Variants in TONSL observed in about 807,000 individuals in gnomAD.
TONSL encodes the protein tonsoku-like protein.
TONSL carries 112 observed loss-of-function variants against 147.1 expected under a neutral mutation model. That is an observed-to-expected ratio of 0.76 (90% CI 0.65 to 0.89). The LOEUF (loss-of-function observed/expected upper bound fraction) is 0.89, where lower values mean the gene tolerates loss of function less well. Ranked by LOEUF, TONSL falls within the 40% of genes least tolerant of loss-of-function variation. The pLI is 0.00. For synonymous variants in TONSL, 868 were observed against 801.5 expected, an observed-to-expected ratio of 1.08 and a Z score of -1.40; for missense variants, 1,883 against 1,864.6, an observed-to-expected ratio of 1.01 and a Z score of -0.18.
chr8:144,435,964 C>T lies in TONSL; in HGVS notation c.2469G>A (p.Ala823=), dbSNP rs776083590. 77 of 1,558,000 alleles carry T rather than the reference C, an allele frequency of 4.9e-5. 1 individual carries two copies. Among genetic ancestry groups the T allele is most frequent in the Middle Eastern group, 3.4e-4 (2 of 5,850 alleles). Residue 823 remains alanine, a synonymous_variant, in exon 17 of 26, where the codon GCG becomes GCA. Coordinates refer to ENST00000409379, the MANE Select transcript of TONSL (RefSeq NM_013432.5). ...GHSKALAPQA[A]LIPEEECLAG... ...CCAGGCACTCCTCCTCCGGGATGAG[C>T]GCTGCCTGGGGGGCAAGGGCTTTGC...
rs776042221 is a variant in TONSL at position 144,440,352 on chromosome 8, T to C, written c.1289A>G (p.Gln430Arg). The C allele has an allele frequency of 1.9e-6, 3 of 1,587,238 alleles. No homozygotes were observed. The highest frequency in any genetic ancestry group is 2.6e-6 in the Non-Finnish European group (3 of 1,163,532). ...TATGGGTGGGATGGGCTCTCGCACC[T>C]GCAGCTGGGGACGCTGGGCCTGCTG... ...CAQQAQRPQLQRQVLQHLHTV... is the reference protein window; with the variant it reads ...CAQQAQRPQLRRQVLQHLHTV... The change falls in exon 10 of 26, where the codon CAG becomes CGG. Residue 430 changes from glutamine to arginine, a missense_variant and splice_region_variant. Gln to Arg is a conservative substitution (Grantham distance 43). Coordinates refer to ENST00000409379, the MANE Select transcript of TONSL (RefSeq NM_013432.5).
chr8:144,439,558 T>C (rs1204341892), intron 11 of TONSL, among the ~76,000 whole-genome samples: 1 of 152,030 alleles, frequency 6.6e-6, no homozygotes. Context: ...CTCAGCCCTC[T>C]CTCCCTGCAC....
rs777095250 is a variant in TONSL at position 144,442,385 on chromosome 8, G to T, written c.606C>A (p.Phe202Leu). The T allele has an allele frequency of 3.2e-6, 5 of 1,568,978 alleles. No homozygotes were observed. Among genetic ancestry groups the T allele is most frequent in the Non-Finnish European group, 4.3e-6 (5 of 1,153,858 alleles). ...TGGTGCCCAGGTTGTAGCGGGCGCG[G>T]AATAGGTCCTCGTAAAGGTGGTTCT... is the stretch of plus-strand genomic sequence containing the variant. ...AEQNHLYEDL[F>L]RARYNLGTIH... Residue 202 changes from phenylalanine (F) to leucine (L), a missense_variant, in exon 6 of 26, where the codon TTC (phenylalanine) becomes TTA (leucine). By Grantham distance (22) the Phe-to-Leu change is conservative (BLOSUM62 0). Coordinates refer to ENST00000409379, the MANE Select transcript of TONSL (RefSeq NM_013432.5).
chr8:144,442,059 G>A lies in TONSL; in HGVS notation c.843C>T (p.Ala281=), dbSNP rs1174570261. 2 of 1,612,726 alleles carry A rather than the reference G, an allele frequency of 1.2e-6. No homozygotes were observed. The highest frequency in any genetic ancestry group is 2.2e-5 in the South Asian group (2 of 91,084). The change falls in exon 7 of 26, where the codon GCC becomes GCT. Residue 281 remains alanine (A), a synonymous_variant. Transcript: ENST00000409379. ...LGSQKPVQRA[A]ICQNLQHVLA... The stretch of plus-strand genomic sequence containing the variant: ...CACCATGCTGGAGGTTCTGACAGAT[G>A]GCTGCCCTCTGCACAGGCTTCTGGG...
intron 3 of TONSL, among the ~76,000 whole-genome samples, chr8:144,443,562 G>A (rs1554881372): frequency 7.6e-6 from 1 of 131,780 alleles, no homozygotes; most frequent in African/African-American, 4.5e-5. Flanking sequence ...GGGAGTTGGC[G>A]GGGGGGTTGC....
rs572138803 is a variant in TONSL, at chr8:144,443,093, C to T, written c.448+45G>A. 1.3e-3 allele frequency: 1,920 copies of T among 1,532,036 alleles called. 42 individuals are homozygous for T. The South Asian group carries it at 0.022, about 17-fold the overall frequency. The allele number at this position is 1,532,036 out of a possible 1,614,324, so 94.9% of individuals were successfully genotyped here. On this transcript the variant is annotated intron_variant, in intron 4 of 25. Coordinates refer to ENST00000409379, the MANE Select transcript of TONSL (RefSeq NM_013432.5). ...CGGGGGTGCTGGGCTGCAGCCTCTT[C>T]GGCCCGAAGTTCAGGAGGCAGAAAA...
rs528123707 is a variant in TONSL, at chr8:144,435,414, C to G, written c.2852+60G>C. On this transcript the variant is annotated intron_variant, in intron 18 of 25. Coordinates refer to ENST00000409379, the MANE Select transcript of TONSL (RefSeq NM_013432.5). ...CACGCCCCACCCTGACATGCAAACA[C>G]GAGCACCCTGGCATGGAGCTGCACA... is the stretch of plus-strand genomic sequence containing the variant. 96 of 1,422,948 alleles carry G rather than the reference C, an allele frequency of 6.7e-5. No individual in the cohort carries two copies. In the Admixed American group the frequency reaches 2.0e-3, roughly 30 times the overall value. 88.1% of individuals were successfully genotyped at this position (1,422,948 alleles called of 1,614,324 possible). A position where few individuals can be genotyped will look rare whatever the true frequency, so the allele number is the denominator to read the frequency against.
chr8:144,437,052 G>T lies in TONSL; in HGVS notation c.1701C>A (p.His567Gln), dbSNP rs749180510. 2 of 1,613,254 alleles carry T rather than the reference G, an allele frequency of 1.2e-6. No homozygotes were observed. Among genetic ancestry groups the T allele is most frequent in the Admixed American group, 3.3e-5 (2 of 60,010 alleles). ...PRDYCGWTPL[H>Q]EACNYGHLEI... ...CTAGATGCCCGTAGTTGCAGGCCTC[G>T]TGCAGAGGTGTCCAGCCACAGTAGT... Residue 567 changes from histidine (H) to glutamine (Q), a missense_variant, in exon 14 of 26, where the codon CAC (histidine) becomes CAA (glutamine). His to Gln is a conservative substitution (Grantham distance 24). Coordinates refer to ENST00000409379, the MANE Select transcript of TONSL (RefSeq NM_013432.5).
chr8:144,437,076 G>A lies in TONSL; in HGVS notation c.1677C>T (p.Asp559=). 1 of 1,613,226 alleles carries A rather than the reference G, an allele frequency of 6.2e-7. No homozygotes were observed. Among genetic ancestry groups the A allele is most frequent in the Non-Finnish European group, 8.5e-7 (1 of 1,180,002 alleles). The change falls in exon 14 of 26, where the codon GAC becomes GAT. Residue 559 remains aspartate, a synonymous_variant. Transcript: ENST00000409379. ...VRQGHPLNPR[D]YCGWTPLHEA... is the part of the protein sequence containing the mutation. ...CGTGCAGAGGTGTCCAGCCACAGTA[G>A]TCCCGAGGGTTAAGGGGGTGGCCCT...
chr8:144,441,835 G>A lies in TONSL; in HGVS notation c.865+202C>T, dbSNP rs1336799704. 9.0e-6 allele frequency: 5 copies of A among 558,606 alleles called. No individual in the cohort carries two copies. In the African/African-American group the frequency reaches 9.6e-5, roughly 11 times the overall value. 34.6% of individuals were successfully genotyped at this position (558,606 alleles called of 1,614,324 possible). A position where few individuals can be genotyped will look rare whatever the true frequency, so the allele number is the denominator to read the frequency against. On this transcript the variant is annotated intron_variant, in intron 7 of 25. Transcript: ENST00000409379. ...CATTGCCCCTGACACACTGTGTTGAGCTCAGAGAAAAAAGGGGGTCTTCTC... is the reference window on the plus strand; with the variant it reads ...CATTGCCCCTGACACACTGTGTTGAACTCAGAGAAAAAAGGGGGTCTTCTC...
Position 144,435,672 on chromosome 8 carries a change from C to G in TONSL, c.2761G>C (p.Ala921Pro), listed in dbSNP as rs200025720. 256 of 1,603,770 alleles carry G rather than the reference C, an allele frequency of 1.6e-4. No homozygotes were observed. The highest frequency in any genetic ancestry group is 5.1e-4 in the Middle Eastern group (3 of 5,882). ...VSEPSGDSSAAGQPLGPAPPP... is the reference protein window; with the variant it reads ...VSEPSGDSSAPGQPLGPAPPP... Reference sequence around the variant, plus strand: ...TGCATACCCACCAAGGGCTGGCCTGCCGCAGAGCTGTCCCCACTGGGCTCT... The same window carrying G: ...TGCATACCCACCAAGGGCTGGCCTGGCGCAGAGCTGTCCCCACTGGGCTCT... Residue 921 changes from alanine to proline, a missense_variant, in exon 17 of 26, where the codon GCA (alanine) becomes CCA (proline). Transcript: ENST00000409379.
At position 144,444,185 on chromosome 8, in the gene TONSL, C is replaced by A; in HGVS notation, c.116G>T (p.Gly39Val). The part of the protein sequence containing the change: ...LCHQLGELLA[G>V]HGRYAEALEQ... ...CTCCTGGTCCCGGCGCTCACCATGG[C>A]CGGCCAGGAGCTCCCCCAGCTGGTG... The change falls in exon 2 of 26, where the codon GGC becomes GTC. Residue 39 changes from glycine (G) to valine (V), a missense_variant. Coordinates refer to ENST00000409379, the MANE Select transcript of TONSL (RefSeq NM_013432.5). The A allele has an allele frequency of 6.9e-7, 1 of 1,447,034 alleles. No homozygotes were observed. Among genetic ancestry groups the A allele is most frequent in the East Asian group, 3.1e-5 (1 of 32,762 alleles). The allele number at this position is 1,447,034 out of a possible 1,614,324, so 89.6% of individuals were successfully genotyped here.
intron 15 of TONSL, 31 bp from the exon 16 acceptor site, chr8:144,436,712 C>T (rs1166113776): frequency 1.2e-6 from 2 of 1,611,276 alleles, no homozygotes; most frequent in Non-Finnish European, 1.7e-6. Flanking sequence ...AGGGGCACAG[C>T]AGCCCCCATA....
In TONSL at chr8:144,437,080, C is replaced by G. The variant is rs777654833; in HGVS notation, c.1673G>C (p.Arg558Pro). 5 of 1,613,074 alleles carry G rather than the reference C, an allele frequency of 3.1e-6. No individual in the cohort carries two copies. In the South Asian group the frequency reaches 5.5e-5, roughly 18 times the overall value. Residue 558 changes from arginine (R) to proline (P), a missense_variant, in exon 14 of 26, where the codon CGG (arginine) becomes CCG (proline). By Grantham distance (103) the Arg-to-Pro change is moderately radical. Transcript: ENST00000409379. ...CAGAGGTGTCCAGCCACAGTAGTCC[C>G]GAGGGTTAAGGGGGTGGCCCTGTGA... The part of the protein sequence containing the change: ...LVRQGHPLNP[R>P]DYCGWTPLHE...
intron 22 of TONSL, 70 bp from the exon 23 acceptor site, chr8:144,432,530 A>AGAACCCTCAG: frequency 2.8e-6 from 4 of 1,431,894 alleles, no homozygotes; most frequent in Non-Finnish European, 3.7e-6. Flanking sequence ...TTCTGGGCCC[A>AGAACCCTCAG]GAACCCTCAG....
rs559271715 is a variant in TONSL at position 144,438,552 on chromosome 8, C to T, written c.1572G>A (p.Arg524=). ...LGRRKGSKWN[R]RNDMGETLLH... The stretch of plus-strand genomic sequence containing the variant: ...GCAGGGTCTCCCCCATGTCGTTTCG[C>T]CGGTTCCACTGTGGGCACAGCCAAC... The change falls in exon 13 of 26, where the codon CGG becomes CGA. Residue 524 remains arginine (R), a synonymous_variant. Transcript: ENST00000409379. 2 of 1,613,202 alleles carry T rather than the reference C, an allele frequency of 1.2e-6. No homozygotes were observed. The highest frequency in any genetic ancestry group is 2.2e-5 in the South Asian group (2 of 91,082).
intron 3 of TONSL, among the ~76,000 whole-genome samples, chr8:144,443,620 C>T (rs1210283745): frequency 1.3e-5 from 2 of 152,188 alleles, no homozygotes; most frequent in African/African-American, 2.4e-5. Context: ...TGGGATGGGG[C>T]CTGACCTCCC....
chr8:144,436,370 T>A lies in TONSL; in HGVS notation c.2063A>T (p.Asp688Val). 1.3e-6 allele frequency: 2 copies of A among 1,498,928 alleles called. No individual in the cohort carries two copies. The highest frequency in any genetic ancestry group is 1.8e-6 in the Non-Finnish European group (2 of 1,131,118). 92.9% of individuals were successfully genotyped at this position (1,498,928 alleles called of 1,614,324 possible). A position where few individuals can be genotyped will look rare whatever the true frequency, so the allele number is the denominator to read the frequency against. The change falls in exon 17 of 26, where the codon GAC (aspartate) becomes GTC (valine). Residue 688 changes from aspartate (D) to valine (V), a missense_variant. Physicochemically the swap from Asp to Val is radical, Grantham distance 152 (BLOSUM62 -3). Coordinates refer to ENST00000409379, the MANE Select transcript of TONSL (RefSeq NM_013432.5). The stretch of plus-strand genomic sequence containing the variant: ...GCTCAAAGGAGGAGAGGTCTCGGGG[T>A]CAAACAGAAGGCTGCTTGGGGTGTG... ...AFHTPSSLLFDPETSPPLSPC... is the reference protein window; with the variant it reads ...AFHTPSSLLFVPETSPPLSPC...
At chr8:144,439,755 A>G in intron 11 of TONSL, 1 of 504,972 alleles carries the variant, frequency 2.0e-6, no homozygotes. Context: ...CTGGCCCCAG[A>G]TGGCACGTGC....
Sources: allele counts gnomAD v4.1 joint callset (sites outside exome capture counted in the v4.1 genomes callset), GRCh38; gene constraint gnomAD v4.1.1; transcripts MANE v1.5; gene names NCBI Gene and HGNC (gene_info 2026-07-23, HGNC 2026-07-21).